The following TRPM1 variants were observed in gnomAD, a reference collection of about 807,000 sequenced individuals.
The protein encoded by TRPM1 is TRPM1-203 APA Isoform, Intron 10.
In TRPM1, 113 loss-of-function variants were observed where a neutral mutation model predicts 149.4. The observed-to-expected ratio is 0.76, with a 90% CI of 0.65 to 0.88. The LOEUF is 0.88. TRPM1 is among the 40% of genes least tolerant of loss of function. The pLI, the probability that TRPM1 is intolerant of heterozygous loss-of-function variation, is 0.00. For synonymous variants in TRPM1, 741 were observed against 759.5 expected, an observed-to-expected ratio of 0.98 and a Z score of 0.40; for missense variants, 1,976 against 2,038.7, an observed-to-expected ratio of 0.97 and a Z score of 0.59.
intron 1 of TRPM1, among the ~76,000 whole-genome samples, chr15:31,111,001 TAA>T (rs767008805): frequency 4.6e-5 from 7 of 151,802 alleles, no homozygotes; most frequent in Non-Finnish European, 7.4e-5. Flanking sequence ...AACACACGGT[TAA>T]AAACCTGCCA....
intron 1 of TRPM1, among the ~76,000 whole-genome samples, chr15:31,115,991 A>G (rs962619626): frequency 1.3e-5 from 2 of 151,886 alleles, no homozygotes; most frequent in Non-Finnish European, 2.9e-5. Context: ...GGCCTCTTTT[A>G]TGAGGGCACT....
At chr15:31,082,755 C>A (rs1443678198) in intron 1 of TRPM1, among the ~76,000 whole-genome samples, 1 of 152,148 alleles carries the variant, frequency 6.6e-6, no homozygotes, top group Non-Finnish European at 1.5e-5. Flanking sequence ...TTTGTACCAT[C>A]TGGGTGGGGG....
chr15:31,153,250 C>A (rs2036326595), intron 1 of TRPM1, among the ~76,000 whole-genome samples: 2 of 152,186 alleles, frequency 1.3e-5, no homozygotes, highest in South Asian at 4.1e-4. Context: ...AGCTGTCCAC[C>A]TGGAGGCTTC....
At chr15:31,106,682 G>C (rs1242190013), upstream of TRPM1, among the ~76,000 whole-genome samples, 6 of 152,230 alleles carry the variant, frequency 3.9e-5, no homozygotes, top group Non-Finnish European at 2.9e-5. Context: ...GATTTCACCA[G>C]ACCCGTGTCA....
At chr15:31,143,504 C>A (rs2141054198) in intron 1 of TRPM1, among the ~76,000 whole-genome samples, 1 of 152,206 alleles carries the variant, frequency 6.6e-6, no homozygotes, top group East Asian at 1.9e-4. Flanking sequence ...TCACTGTAAC[C>A]TCTGCCTCCA....
intron 11 of TRPM1, among the ~76,000 whole-genome samples, chr15:31,056,484 G>T (rs539133867): frequency 1.2e-3 from 187 of 152,276 alleles, no homozygotes; most frequent in Non-Finnish European, 2.3e-3. Context: ...ATCTATAATT[G>T]AATGAAAATC....
At chr15:31,110,127 T>C (rs1328368591) in intron 1 of TRPM1, among the ~76,000 whole-genome samples, 1 of 152,224 alleles carries the variant, frequency 6.6e-6, no homozygotes, top group Non-Finnish European at 1.5e-5. Flanking sequence ...ATTCTTTACA[T>C]ATATTTAAAA....
intron 11 of TRPM1, 121 bp downstream of exon 11, chr15:31,060,422 AT>A: frequency 1.2e-6 from 1 of 819,668 alleles, no homozygotes. Context: ...AATAGATTAC[AT>A]ATCATATCAT....
At position 31,063,286 on chromosome 15, in the gene TRPM1, C is replaced by T. The variant is rs750913870; in HGVS notation, c.797G>A (p.Gly266Glu). ...GAGACCCACGAGGGGCACGCCCTGC[C>T]CCAGTCCTGCAACACAAACCACATT... The part of the protein sequence containing the change: ...ISLQKINTRL[G>E]QGVPLVGLVV... Residue 266 changes from glycine (G) to glutamate (E), a missense_variant, in exon 8 of 28, where the codon GGG becomes GAG. Transcript: ENST00000256552. 1.2e-6 allele frequency: 2 copies of T among 1,614,176 alleles called. No individual in the cohort carries two copies. Among genetic ancestry groups the T allele is most frequent in the East Asian group, 4.5e-5 (2 of 44,884 alleles).
chr15:31,059,565 C>G (rs2034170270), intron 11 of TRPM1, among the ~76,000 whole-genome samples: 1 of 152,104 alleles, frequency 6.6e-6, no homozygotes. Context: ...ACTCCCATGC[C>G]TGGCTAATTT....
chr15:31,077,054 C>G (rs1003188699), intron 2 of TRPM1, 70 bp from the exon 3 acceptor site: 2 of 1,044,234 alleles, frequency 1.9e-6, no homozygotes, highest in Non-Finnish European at 3.0e-6. Context: ...CATTCTTATA[C>G]CTTTATAAAA....
chr15:31,037,391 A>G (rs556678020), intron 20 of TRPM1, among the ~76,000 whole-genome samples: 1 of 152,366 alleles, frequency 6.6e-6, no homozygotes, highest in South Asian at 2.1e-4. Context: ...ATCTCTGTTC[A>G]TTTAAAAATA....
At chr15:31,114,336 A>G (rs1289736786) in intron 1 of TRPM1, among the ~76,000 whole-genome samples, 1 of 152,218 alleles carries the variant, frequency 6.6e-6, no homozygotes, top group South Asian at 2.1e-4. Context: ...ATGTCCCTGC[A>G]AAGGACATGA....
At chr15:31,141,444 C>A (rs1192527810) in intron 1 of TRPM1, among the ~76,000 whole-genome samples, 1 of 152,062 alleles carries the variant, frequency 6.6e-6, no homozygotes, top group Non-Finnish European at 1.5e-5. Context: ...AGACTAATTT[C>A]ATCTAACTTG....
Position 31,124,239 on chromosome 15 carries a change from C to T in TRPM1, c.54+36667G>A, listed in dbSNP as rs116003147. On this transcript the variant is annotated intron_variant, in intron 1 of 26. Coordinates refer to the TRPM1 transcript ENST00000542188. Reference sequence around the variant, plus strand: ...GGCAGAGGTTGCAGTGAGCCGAGATCGCGCCATCGTGCTCTAGCAGGGATG... The same window carrying T: ...GGCAGAGGTTGCAGTGAGCCGAGATTGCGCCATCGTGCTCTAGCAGGGATG... Among the ~76,000 whole-genome samples, 1,091 of 151,596 alleles carry T rather than the reference C, an allele frequency of 7.2e-3. 12 individuals are homozygous for T. The highest frequency in any genetic ancestry group is 0.024 in the African/African-American group (995 of 41,286).
At chr15:31,096,983 G>A (rs1416980233) in intron 1 of TRPM1, among the ~76,000 whole-genome samples, 1 of 152,220 alleles carries the variant, frequency 6.6e-6, no homozygotes, top group African/African-American at 2.4e-5. Flanking sequence ...ACAGCTCAGC[G>A]TGACGGTGGA....
chr15:31,120,869 G>A (rs1385526466), intron 1 of TRPM1, among the ~76,000 whole-genome samples: 1 of 152,202 alleles, frequency 6.6e-6, no homozygotes, highest in Non-Finnish European at 1.5e-5. Flanking sequence ...TTACCAAAAT[G>A]TGTGGGAATG....
rs2031784813 is a variant in TRPM1 at position 31,002,009 on chromosome 15, G to A, written c.4691C>T (p.Thr1564Ile). 1.9e-6 allele frequency: 3 copies of A among 1,614,082 alleles called. No individual in the cohort carries two copies. Among genetic ancestry groups the A allele is most frequent in the Non-Finnish European group, 1.7e-6 (2 of 1,180,040 alleles). Residue 1564 changes from threonine to isoleucine, a missense_variant, in exon 28 of 28, where the codon ACT (threonine) becomes ATT (isoleucine). Thr to Ile is a moderately conservative substitution (Grantham distance 89). Around this residue, in one of 3 missense-constraint regions of TRPM1, gnomAD observed 572 missense variants for 578.9 expected, o/e 0.99. Coordinates refer to ENST00000256552, the MANE Select transcript of TRPM1 (RefSeq NM_001252024.2). ...ENLLSVKPDQ[T>I]LGFPSLRSKS... ...TGACCTGAGAGATGGGAATCCCAAAGTTTGATCTGGCTTCACAGACAGTAA... is the reference window on the plus strand; with the variant it reads ...TGACCTGAGAGATGGGAATCCCAAAATTTGATCTGGCTTCACAGACAGTAA...
At chr15:31,010,651 T>G (rs1472299301) in intron 27 of TRPM1, among the ~76,000 whole-genome samples, 2 of 152,212 alleles carry the variant, frequency 1.3e-5, no homozygotes, top group Non-Finnish European at 2.9e-5. Context: ...TTGTTTAACT[T>G]AAATCTTTTT....
Sources: gnomAD v4.1 joint callset for allele counts (sites outside exome capture counted in the v4.1 genomes callset) on GRCh38, gnomAD v4.1.1 for gene constraint, gnomAD v4.1.1 regional missense constraint, MANE v1.5 for transcripts, NCBI Gene and HGNC (gene_info 2026-07-23, HGNC 2026-07-21) for gene names.